Variants in AFF2 observed in about 807,000 individuals in gnomAD.
The protein encoded by AFF2 is AF4/FMR2 family member 2.
In AFF2, 14 loss-of-function variants were observed where a neutral mutation model predicts 76.9. The observed-to-expected ratio is 0.18, with a 90% confidence interval of 0.12 to 0.28. The LOEUF (loss-of-function observed/expected upper bound fraction) is 0.28. Among genes scored for constraint, AFF2 ranks in the 10% least tolerant of loss-of-function variants. AFF2 has a pLI of 1.00. For missense variants in AFF2, 868 were observed against 1,001.1 expected (o/e 0.87, Z 1.79); for synonymous variants, 398 against 366.7 (o/e 1.09, Z -0.98).
intron 13 of AFF2, among the ~76,000 whole-genome samples, chrX:148,964,888 G>C (rs782544712): frequency 7.1e-5 from 8 of 112,594 alleles, no homozygotes; most frequent in Non-Finnish European, 1.1e-4. Flanking sequence ...TGAATGGAAG[G>C]CTTTTTGAAA....
Position 148,980,382 on chromosome X carries a change from A to G in AFF2, c.3571-356A>G, listed in dbSNP as rs1485612792. Reference sequence around the variant, plus strand: ...AGGGAAAAAGTTTGCAACTGGAGCTAAAGGTGAAAAGCTTACTTGCACTCT... The same window carrying G: ...AGGGAAAAAGTTTGCAACTGGAGCTGAAGGTGAAAAGCTTACTTGCACTCT... On this transcript the variant is annotated intron_variant, in intron 18 of 20. Coordinates refer to ENST00000370460, the MANE Select transcript of AFF2 (RefSeq NM_002025.4). Among the ~76,000 whole-genome samples, 4 of 112,289 alleles carry G rather than the reference A, an allele frequency of 3.6e-5. No homozygotes were observed. In the Admixed American group the frequency reaches 3.8e-4, roughly 11 times the overall value.
intron 1 of AFF2, among the ~76,000 whole-genome samples, chrX:148,648,726 C>T (rs1004106443): frequency 9.0e-6 from 1 of 110,552 alleles, no homozygotes; most frequent in Admixed American, 9.6e-5. Flanking sequence ...AATGAAATAG[C>T]GATTCCAAAA....
chrX:148,770,653 G>A (rs1333886252), intron 3 of AFF2, among the ~76,000 whole-genome samples: 2 of 111,968 alleles, frequency 1.8e-5, no homozygotes, highest in African/African-American at 6.5e-5. Flanking sequence ...CCTCACACAA[G>A]TCTTCAATAG....
At chrX:148,799,181 C>G (rs1283230970) in intron 3 of AFF2, among the ~76,000 whole-genome samples, 1 of 111,899 alleles carries the variant, frequency 8.9e-6, no homozygotes, top group Non-Finnish European at 1.9e-5. Flanking sequence ...GAGTGATTTC[C>G]TGGACACACA....
In AFF2 at chrX:148,987,464, C is replaced by G. The variant is rs782058847; in HGVS notation, c.3721C>G (p.His1241Asp). 8.3e-7 allele frequency: 1 copy of G among 1,210,746 alleles called. No homozygotes were observed. The highest frequency in any genetic ancestry group is 1.1e-6 in the Non-Finnish European group (1 of 894,467). Residue 1241 changes from histidine to aspartate, a missense_variant, in exon 20 of 21, where the codon CAC becomes GAC. His to Asp is a moderately conservative substitution (Grantham distance 81). Transcript: ENST00000370460. The part of the protein sequence containing the change: ...GPVTIPQRIH[H>D]MAASHVNITS... The stretch of plus-strand genomic sequence containing the variant: ...AGTCACCATTCCCCAGCGCATTCAC[C>G]ACATGGCTGCCAGCCACGTCAACAT...
At chrX:148,945,168 T>C (rs1395070964) in intron 9 of AFF2, among the ~76,000 whole-genome samples, 1 of 111,312 alleles carries the variant, frequency 9.0e-6, no homozygotes, top group East Asian at 2.8e-4. Flanking sequence ...TAGTGATCCA[T>C]AGGACGTGCT....
At chrX:148,932,815 T>G (rs1557284544) in intron 9 of AFF2, among the ~76,000 whole-genome samples, 1 of 112,376 alleles carries the variant, frequency 8.9e-6, no homozygotes, top group Non-Finnish European at 1.9e-5. Flanking sequence ...TCTATTCGCA[T>G]TCATTCATTT....
In AFF2 at chrX:148,581,228, G is replaced by GTATACGTATACACACA. The variant is rs1569551620; in HGVS notation, c.48-70760_48-70759insACACATATACGTATAC. Among the ~76,000 whole-genome samples the GTATACGTATACACACA allele has an allele frequency of 7.3e-4, 15 of 20,451 alleles. 2 individuals are homozygous for GTATACGTATACACACA. The highest frequency in any genetic ancestry group is 4.1e-3 in the African/African-American group (14 of 3,404). 17.8% of individuals were successfully genotyped at this position (20,451 alleles called of 115,157 possible). The stretch of plus-strand genomic sequence containing the variant: ...ACGTATACACACATATATAATATAC[G>GTATACGTATACACACA]TATACGTATACGTGTACACACATAT... On this transcript the variant is annotated intron_variant, in intron 1 of 20. Transcript: ENST00000370460.
chrX:148,826,699 G>A (rs1557272974), intron 4 of AFF2, among the ~76,000 whole-genome samples: 2 of 111,641 alleles, frequency 1.8e-5, no homozygotes, highest in Non-Finnish European at 3.8e-5. Context: ...CTTGTGCTGT[G>A]ATTTTGCCAC....
chrX:148,588,341 T>C lies in AFF2; in HGVS notation c.48-63658T>C, dbSNP rs140023647. On this transcript the variant is annotated intron_variant, in intron 1 of 20. Coordinates refer to ENST00000370460, the MANE Select transcript of AFF2 (RefSeq NM_002025.4). ...GCACTCACAAAACTGGCAGAGGCCA[T>C]AGATGTGCAGCAGACAGTGAAGGTT... Among the ~76,000 whole-genome samples the C allele has an allele frequency of 1.9e-3, 219 of 112,944 alleles. 1 individual carries two copies. The highest frequency in any genetic ancestry group is 6.8e-3 in the African/African-American group (211 of 31,135).
chrX:148,850,551 T>C (rs1320046380), intron 7 of AFF2, among the ~76,000 whole-genome samples: 1 of 112,241 alleles, frequency 8.9e-6, no homozygotes, highest in East Asian at 2.8e-4. Flanking sequence ...TGCATACATA[T>C]GCTCTGTATC....
At chrX:148,973,123 CA>C (rs200457604) in intron 15 of AFF2, among the ~76,000 whole-genome samples, 1,448 of 107,703 alleles carry the variant, frequency 0.013, 22 homozygotes, top group African/African-American at 0.043. Context: ...TGTTCTGTTC[CA>C]TTGATCTATA....
chrX:148,808,769 A>C (rs1209011694), intron 3 of AFF2, among the ~76,000 whole-genome samples: 1 of 112,119 alleles, frequency 8.9e-6, no homozygotes, highest in Non-Finnish European at 1.9e-5. Flanking sequence ...CATGTACAGA[A>C]GTGACCATAA....
Position 148,996,339 on chromosome X carries a change from T to C in AFF2, c.*5007T>C, listed in dbSNP as rs925482373. 6.2e-5 allele frequency: 7 copies of C among 112,978 alleles called. No individual in the cohort carries two copies. The highest frequency in any genetic ancestry group is 2.2e-4 in the African/African-American group (7 of 31,127). 9.3% of individuals were successfully genotyped at this position (112,978 alleles called of 1,213,427 possible). On this transcript the variant is annotated 3_prime_UTR_variant, in exon 21 of 21. Coordinates refer to ENST00000370460, the MANE Select transcript of AFF2 (RefSeq NM_002025.4). ...TGTTTAACAACCAGCTCGCTGAGAA[T>C]AGAAAGCACCTGGTTTGCACCATTT... is the stretch of plus-strand genomic sequence containing the variant.
intron 3 of AFF2, among the ~76,000 whole-genome samples, chrX:148,749,470 TTAGAG>T (rs782491850): frequency 1.8e-5 from 2 of 111,462 alleles, no homozygotes; most frequent in African/African-American, 6.5e-5. Flanking sequence ...TTTACCACTT[TTAGAG>T]TAAAGTTATT....
chrX:148,987,594 C>T, intron 20 of AFF2, 37 bp downstream of exon 20: 1 of 1,116,086 alleles, frequency 9.0e-7, no homozygotes, highest in Admixed American at 2.3e-5. Flanking sequence ...GCTCACAGAC[C>T]ATGATGGAGT....
At chrX:148,702,271 G>C (rs1156694781) in intron 3 of AFF2, among the ~76,000 whole-genome samples, 2 of 111,368 alleles carry the variant, frequency 1.8e-5, no homozygotes, top group African/African-American at 3.3e-5. Flanking sequence ...TAATTATATG[G>C]CTTGGAAATA....
chrX:148,969,647 C>G (rs1396438293), intron 15 of AFF2, among the ~76,000 whole-genome samples: 4 of 106,350 alleles, frequency 3.8e-5, no homozygotes, highest in African/African-American at 1.5e-4. Flanking sequence ...ATGTTCAGTG[C>G]GAATGGAACC....
chrX:148,969,916 C>T (rs1460777661), intron 15 of AFF2, among the ~76,000 whole-genome samples: 2 of 111,386 alleles, frequency 1.8e-5, no homozygotes, highest in Admixed American at 1.9e-4. Flanking sequence ...GGGGGCATAA[C>T]TTGGCTATTA....
Sources: allele counts gnomAD v4.1 joint callset (sites outside exome capture counted in the v4.1 genomes callset), GRCh38; gene constraint gnomAD v4.1.1; transcripts MANE v1.5; gene names NCBI Gene and HGNC (gene_info 2026-07-23, HGNC 2026-07-21).